Variants in NRXN3 observed in about 807,000 individuals in gnomAD.
NRXN3 encodes the protein neurexin III.
NRXN3 carries 32 observed loss-of-function variants against 137.6 expected under a neutral mutation model. The observed-to-expected ratio is 0.23, with a 90% CI of 0.18 to 0.31. The LOEUF (loss-of-function observed/expected upper bound fraction) is 0.31. Ranked by LOEUF, NRXN3 falls within the 10% of genes least tolerant of loss-of-function variation. NRXN3 has a pLI of 1.00. For synonymous variants in NRXN3, 798 were observed against 784.5 expected (o/e 1.02, Z -0.29); for missense variants, 1,574 against 2,062.5 (o/e 0.76, Z 4.59).
At chr14:79,733,422 T>C (rs2098931008) in intron 19 of NRXN3, among the ~76,000 whole-genome samples, 1 of 152,186 alleles carries the variant, frequency 6.6e-6, no homozygotes, top group Non-Finnish European at 1.5e-5. Context: ...GTTCTTTGGT[T>C]ATCAGGGGTA....
intron 4 of NRXN3, among the ~76,000 whole-genome samples, chr14:78,389,003 C>G (rs2090381579): frequency 6.6e-6 from 1 of 150,770 alleles, no homozygotes; most frequent in Non-Finnish European, 1.5e-5. Context: ...TCTTTGACGT[C>G]AACTTCTAGT....
chr14:79,851,877 A>C (rs2099392207), intron 20 of NRXN3, among the ~76,000 whole-genome samples: 1 of 152,124 alleles, frequency 6.6e-6, no homozygotes, highest in Non-Finnish European at 1.5e-5. Flanking sequence ...AGTTTTCCTC[A>C]AAGCACTTCC....
At chr14:78,802,964 TAA>T (rs1168760885) in intron 8 of NRXN3, among the ~76,000 whole-genome samples, 1 of 152,026 alleles carries the variant, frequency 6.6e-6, no homozygotes, top group East Asian at 1.9e-4. Context: ...AAAATAAAAA[TAA>T]GTCAGTTTTC....
intron 4 of NRXN3, among the ~76,000 whole-genome samples, chr14:78,386,599 A>T (rs2090003727): frequency 6.6e-6 from 1 of 152,204 alleles, no homozygotes; most frequent in Non-Finnish European, 1.5e-5. Context: ...TGCAAGGTAG[A>T]TATAATTATT....
intron 20 of NRXN3, among the ~76,000 whole-genome samples, chr14:79,841,771 T>G (rs919504403): frequency 2.6e-5 from 4 of 152,244 alleles, no homozygotes; most frequent in African/African-American, 4.8e-5. Context: ...CAGTGCATAT[T>G]CCAATACCTG....
chr14:79,593,808 T>C (rs1272617359), intron 16 of NRXN3, among the ~76,000 whole-genome samples: 1 of 152,146 alleles, frequency 6.6e-6, no homozygotes, highest in African/African-American at 2.4e-5. Flanking sequence ...TTATACTTTT[T>C]GGAAAATAAA....
chr14:79,657,212 A>G (rs894879005), intron 16 of NRXN3, among the ~76,000 whole-genome samples: 3 of 152,114 alleles, frequency 2.0e-5, no homozygotes, highest in African/African-American at 7.2e-5. Flanking sequence ...TGAGCCATGG[A>G]TAGTTGAGGG....
chr14:79,630,725 A>G (rs1324110441), intron 16 of NRXN3, among the ~76,000 whole-genome samples: 1 of 152,180 alleles, frequency 6.6e-6, no homozygotes, highest in Non-Finnish European at 1.5e-5. Flanking sequence ...ACCCCAGGCC[A>G]TTTTGCGTGA....
intron 16 of NRXN3, among the ~76,000 whole-genome samples, chr14:79,514,126 G>T (rs1032789146): frequency 6.6e-6 from 1 of 151,968 alleles, no homozygotes; most frequent in African/African-American, 2.4e-5. Flanking sequence ...AACATATATA[G>T]ATATGTAGAG....
At chr14:79,201,167 T>G (rs2065943912) in intron 15 of NRXN3, 1 of 152,140 alleles carries the variant, frequency 6.6e-6, no homozygotes, top group Admixed American at 6.5e-5. Flanking sequence ...AATGAAATGA[T>G]GATGACCCTT....
chr14:78,629,146 G>A (rs138818428), intron 4 of NRXN3, among the ~76,000 whole-genome samples: 1,834 of 152,204 alleles, frequency 0.012, 37 homozygotes, highest in African/African-American at 0.042. Flanking sequence ...CCATTTCAAG[G>A]GCTCTGGGAG....
chr14:78,964,983 G>A (rs1370767039), intron 11 of NRXN3, among the ~76,000 whole-genome samples: 1 of 152,026 alleles, frequency 6.6e-6, no homozygotes, highest in Non-Finnish European at 1.5e-5. Flanking sequence ...AAGCCGGGAG[G>A]TGCCTGGCTT....
At chr14:79,659,629 C>G (rs901599811) in intron 16 of NRXN3, among the ~76,000 whole-genome samples, 2 of 152,102 alleles carry the variant, frequency 1.3e-5, no homozygotes, top group African/African-American at 4.8e-5. Flanking sequence ...TTTTGTGGGT[C>G]CAAAATTATC....
At chr14:79,531,241 G>T (rs1476884296) in intron 16 of NRXN3, among the ~76,000 whole-genome samples, 1 of 152,144 alleles carries the variant, frequency 6.6e-6, no homozygotes, top group Admixed American at 6.5e-5. Flanking sequence ...AGATATGACT[G>T]CCCCATGTGA....
chr14:79,205,022 C>T (rs1304717686), intron 15 of NRXN3, among the ~76,000 whole-genome samples: 1 of 152,098 alleles, frequency 6.6e-6, no homozygotes, highest in East Asian at 1.9e-4. Flanking sequence ...AATATTTAGG[C>T]ATTGTAGATT....
At chr14:79,175,036 A>C (rs571330350) in intron 15 of NRXN3, among the ~76,000 whole-genome samples, 1 of 144,906 alleles carries the variant, frequency 6.9e-6, no homozygotes, top group Non-Finnish European at 1.5e-5. Flanking sequence ...GCTGGAGTGC[A>C]GTGGTGCCAT....
intron 4 of NRXN3, among the ~76,000 whole-genome samples, chr14:78,534,345 T>C (rs724622): frequency 0.68 from 103,990 of 152,128 alleles, 35,767 homozygotes; most frequent in East Asian, 0.72. Flanking sequence ...TGTAAGGAAG[T>C]GTCAATCACA....
At chr14:79,249,988 T>A (rs936604) in intron 15 of NRXN3, among the ~76,000 whole-genome samples, 150,940 of 152,344 alleles carry the variant, frequency 0.99, 74,791 homozygotes, top group Non-Finnish European at 1. Context: ...AAAATGGTGC[T>A]TATGCACTAA....
rs144035240 is a variant in NRXN3, at chr14:78,230,355, A to G, written c.-703-12036A>G. Among the ~76,000 whole-genome samples the G allele has an allele frequency of 1.8e-3, 268 of 150,560 alleles. 2 individuals carry two copies. Among genetic ancestry groups the G allele is most frequent in the African/African-American group, 6.1e-3 (248 of 40,766 alleles). Reference sequence around the variant, plus strand: ...CTCTCTCTCTCTCTCTCTCTCTGGCAGTGACTTCCTCAGCAAAGGGCAGAA... The same window carrying G: ...CTCTCTCTCTCTCTCTCTCTCTGGCGGTGACTTCCTCAGCAAAGGGCAGAA... On this transcript the variant is annotated intron_variant, in intron 1 of 20. Coordinates refer to ENST00000335750, the MANE Select transcript of NRXN3 (RefSeq NM_001330195.2).
Sources: allele counts gnomAD v4.1 joint callset (sites outside exome capture counted in the v4.1 genomes callset), GRCh38; gene constraint gnomAD v4.1.1; transcripts MANE v1.5; gene names NCBI Gene and HGNC (gene_info 2026-07-23, HGNC 2026-07-21).